UBQLN1: variants seen among roughly 807,000 people sequenced by gnomAD.
The protein encoded by UBQLN1 is ubiquilin 1, also known as ubiquilin-1.
Under a neutral mutation model 65.4 loss-of-function variants are expected in UBQLN1, and 13 were observed. The observed-to-expected ratio is 0.20, with a 90% CI of 0.13 to 0.32. The LOEUF (loss-of-function observed/expected upper bound fraction) is 0.32, where lower values mean the gene tolerates loss of function less well. Ranked by LOEUF, UBQLN1 falls within the 10% of genes least tolerant of loss-of-function variation. The pLI is 1.00. For synonymous variants in UBQLN1, 267 were observed against 247.8 expected (o/e 1.08, Z -0.73); for missense variants, 561 against 724.0 (o/e 0.77, Z 2.58).
Position 83,661,742 on chromosome 9 carries a change from C to T in UBQLN1, c.*45G>A, listed in dbSNP as rs375792947. 606 of 1,551,798 alleles carry T rather than the reference C, an allele frequency of 3.9e-4. 2 individuals carry two copies. The highest frequency in any genetic ancestry group is 7.6e-4 in the Middle Eastern group (4 of 5,290). On this transcript the variant is annotated 3_prime_UTR_variant, in exon 11 of 11. Coordinates refer to ENST00000376395, the MANE Select transcript of UBQLN1 (RefSeq NM_013438.5). ...AGCAGGTATTTTAAAGTTTAAGAGC[C>T]GTTATCAAAAATAAATTACATTTTT... is the stretch of plus-strand genomic sequence containing the variant.
intron 1 of UBQLN1, among the ~76,000 whole-genome samples, chr9:83,695,196 C>T (rs1005096686): frequency 8.4e-5 from 11 of 131,118 alleles, no homozygotes; most frequent in Non-Finnish European, 1.6e-4. Context: ...AATGGGCCCT[C>T]CCACCTTTTT....
At chr9:83,704,093 G>C (rs1832356660) in intron 1 of UBQLN1, among the ~76,000 whole-genome samples, 1 of 152,132 alleles carries the variant, frequency 6.6e-6, no homozygotes, top group African/African-American at 2.4e-5. Flanking sequence ...TTATCCTCTG[G>C]AGGTCTTCGG....
chr9:83,667,597 T>C, intron 7 of UBQLN1: 1 of 985,428 alleles, frequency 1.0e-6, no homozygotes, highest in African/African-American at 1.7e-5. Flanking sequence ...AACCTGCTTC[T>C]TTATTGGTTC....
At chr9:83,680,981 G>A (rs529642321) in intron 3 of UBQLN1, among the ~76,000 whole-genome samples, 2 of 152,314 alleles carry the variant, frequency 1.3e-5, no homozygotes, top group South Asian at 2.1e-4. Context: ...TGGACAATTG[G>A]CTGGTGTCAG....
At position 83,705,246 on chromosome 9, in the gene UBQLN1, C is replaced by CTTTTTTTTTTTTTTTTTTTTT. The variant is rs57550660; in HGVS notation, c.180+2253_180+2254insAAAAAAAAAAAAAAAAAAAAA. ...ATATGTGCTGCTGAAGCCAGCACTC[C>CTTTTTTTTTTTTTTTTTTTTT]TTTTTTTTTTTGAAACGGAGTTTCA... On this transcript the variant is annotated intron_variant, in intron 1 of 10. Transcript: ENST00000376395. 1.5e-5 allele frequency among the ~76,000 whole-genome samples: 2 copies of CTTTTTTTTTTTTTTTTTTTTT among 129,452 alleles called. 1 individual carries two copies. Among genetic ancestry groups the CTTTTTTTTTTTTTTTTTTTTT allele is most frequent in the Non-Finnish European group, 3.2e-5 (2 of 62,928 alleles). 84.9% of individuals were successfully genotyped at this position (129,452 alleles called of 152,430 possible).
At chr9:83,705,438 CG>C (rs1832385861) in intron 1 of UBQLN1, among the ~76,000 whole-genome samples, 1 of 152,066 alleles carries the variant, frequency 6.6e-6, no homozygotes, top group Admixed American at 6.5e-5. Context: ...TTAGTAGAGA[CG>C]GGGTTTCACC....
chr9:83,674,519 G>C (rs969534708), intron 6 of UBQLN1, among the ~76,000 whole-genome samples: 8 of 152,180 alleles, frequency 5.3e-5, no homozygotes, highest in African/African-American at 1.9e-4. Flanking sequence ...CAAGTGGCTT[G>C]TTAGCCAAAG....
chr9:83,705,539 G>T (rs73478129), intron 1 of UBQLN1, among the ~76,000 whole-genome samples: 4 of 152,132 alleles, frequency 2.6e-5, no homozygotes, highest in Non-Finnish European at 2.9e-5. Context: ...CACCGCATCC[G>T]GCCCAGAAGC....
At chr9:83,670,108 A>G (rs1375671315) in intron 6 of UBQLN1, among the ~76,000 whole-genome samples, 1 of 152,158 alleles carries the variant, frequency 6.6e-6, no homozygotes. Context: ...TGACAACTGT[A>G]TATTTAGGCA....
At chr9:83,670,619 G>A (rs867031355) in intron 6 of UBQLN1, among the ~76,000 whole-genome samples, 5 of 152,120 alleles carry the variant, frequency 3.3e-5, no homozygotes, top group African/African-American at 1.2e-4. Context: ...GCTGGTGGTC[G>A]CTAAAGGTTG....
rs148815581 is a variant in UBQLN1 at position 83,664,173 on chromosome 9, T to A, written c.1449-130A>T. ...AGCCCTTTTGGCCTGGTGCAGTGGC[T>A]CATTCTGGGAGACCGATGATCCCAG... On this transcript the variant is annotated intron_variant, in intron 9 of 10. Coordinates refer to ENST00000376395, the MANE Select transcript of UBQLN1 (RefSeq NM_013438.5). 477 of 919,832 alleles carry A rather than the reference T, an allele frequency of 5.2e-4. 6 individuals carry two copies. In the African/African-American group the frequency reaches 7.3e-3, roughly 14 times the overall value. The allele number at this position is 919,832 out of a possible 1,614,324, so 57.0% of individuals were successfully genotyped here.
Position 83,661,175 on chromosome 9 carries a change from T to G in UBQLN1, c.*612A>C, listed in dbSNP as rs1182243437. 6.6e-6 allele frequency: 1 copy of G among 152,458 alleles called. No homozygotes were observed. Among genetic ancestry groups the G allele is most frequent in the Non-Finnish European group, 1.5e-5 (1 of 68,042 alleles). The allele number at this position is 152,458 out of a possible 1,614,324, so 9.4% of individuals were successfully genotyped here. The stretch of plus-strand genomic sequence containing the variant: ...GATGTTTGTCAAAGATGCTGTAAGA[T>G]TCTATACAATTAGGAAATACTCAGC... On this transcript the variant is annotated 3_prime_UTR_variant, in exon 11 of 11. Coordinates refer to ENST00000376395, the MANE Select transcript of UBQLN1 (RefSeq NM_013438.5).
Position 83,707,484 on chromosome 9 carries a change from C to G in UBQLN1, c.180+16G>C. ...GCCGCCACCCCCATCCCGGCCCGAGCCCCAGGCGGCCTCACCTGCTGGACG... is the reference window on the plus strand; with the variant it reads ...GCCGCCACCCCCATCCCGGCCCGAGGCCCAGGCGGCCTCACCTGCTGGACG... On this transcript the variant is annotated intron_variant, in intron 1 of 10. Coordinates refer to ENST00000376395, the MANE Select transcript of UBQLN1 (RefSeq NM_013438.5). The G allele has an allele frequency of 6.3e-7, 1 of 1,599,836 alleles. No homozygotes were observed. Among genetic ancestry groups the G allele is most frequent in the Non-Finnish European group, 8.5e-7 (1 of 1,174,442 alleles).
chr9:83,678,312 C>G (rs1408566620), intron 5 of UBQLN1, 129 bp downstream of exon 5: 1 of 1,191,758 alleles, frequency 8.4e-7, no homozygotes. Flanking sequence ...TGAGCCACTG[C>G]ACCCGGCCAC....
intron 2 of UBQLN1, 94 bp downstream of exon 2, chr9:83,685,910 G>T: frequency 2.7e-6 from 3 of 1,120,016 alleles, no homozygotes; most frequent in South Asian, 1.6e-5. Flanking sequence ...AAATATTAAT[G>T]ACAGGGAAAG....
chr9:83,676,726 C>G (rs1043937098), intron 6 of UBQLN1, among the ~76,000 whole-genome samples: 5 of 152,152 alleles, frequency 3.3e-5, no homozygotes, highest in African/African-American at 1.2e-4. Context: ...CCTCATCTTT[C>G]CACTTCCTCT....
At position 83,678,604 on chromosome 9, in the gene UBQLN1, G is replaced by C; in HGVS notation, c.712-5C>G. On this transcript the variant is annotated splice_region_variant and splice_polypyrimidine_tract_variant and intron_variant, in intron 4 of 10. Transcript: ENST00000376395. ...ATTCCTGGCAAGTTCCAACGTCTAC[G>C]AAAAATATTTCCAAAAAAAGAAAAA... 1.3e-6 allele frequency: 2 copies of C among 1,563,496 alleles called. No homozygotes were observed. Among genetic ancestry groups the C allele is most frequent in the Non-Finnish European group, 1.7e-6 (2 of 1,162,168 alleles).
chr9:83,698,148 A>G (rs533241925), intron 1 of UBQLN1, among the ~76,000 whole-genome samples: 8 of 152,318 alleles, frequency 5.3e-5, no homozygotes, highest in Admixed American at 3.3e-4. Context: ...TGCAATAAAT[A>G]TTGGCCATTA....
chr9:83,674,499 G>A (rs1831796575), intron 6 of UBQLN1, among the ~76,000 whole-genome samples: 1 of 152,140 alleles, frequency 6.6e-6, no homozygotes, highest in Admixed American at 6.5e-5. Context: ...TGCAACCAAA[G>A]TTAAGTTTCC....
Sources: gnomAD v4.1 joint callset for allele counts (sites outside exome capture counted in the v4.1 genomes callset) on GRCh38, gnomAD v4.1.1 for gene constraint, MANE v1.5 for transcripts, NCBI Gene and HGNC (gene_info 2026-07-23, HGNC 2026-07-21) for gene names.